Variants in SND1 observed in about 807,000 individuals in gnomAD.
The protein encoded by SND1 is staphylococcal nuclease domain-containing protein 1.
SND1 carries 38 observed loss-of-function variants against 121.7 expected under a neutral mutation model. The ratio of observed to expected loss-of-function variants is 0.31; its 90% CI spans 0.24 to 0.41. The LOEUF is 0.41. Among genes scored for constraint, SND1 ranks in the 10% least tolerant of loss-of-function variants. The pLI is 1.00. For missense variants in SND1, 868 were observed against 1,184.6 expected, an observed-to-expected ratio of 0.73 and a Z score of 3.92; for synonymous variants, 401 against 447.4, an observed-to-expected ratio of 0.90 and a Z score of 1.31.
intron 2 of SND1, among the ~76,000 whole-genome samples, chr7:127,691,064 A>G (rs1795904747): frequency 6.6e-6 from 1 of 152,210 alleles, no homozygotes; most frequent in Non-Finnish European, 1.5e-5. Context: ...GCACTGTGGG[A>G]ATTATATATT....
intron 3 of SND1, among the ~76,000 whole-genome samples, chr7:127,696,854 C>G (rs1206259398): frequency 6.6e-6 from 1 of 152,140 alleles, no homozygotes; most frequent in Non-Finnish European, 1.5e-5. Context: ...TAAGAACTGG[C>G]ACATAGGTGA....
chr7:127,774,398 A>G (rs1188175429), intron 10 of SND1, among the ~76,000 whole-genome samples: 2 of 152,204 alleles, frequency 1.3e-5, no homozygotes, highest in African/African-American at 4.8e-5. Context: ...AAAAACCAAT[A>G]TAGTGTAGCT....
intron 16 of SND1, among the ~76,000 whole-genome samples, chr7:128,038,985 T>C (rs1376532650): frequency 3.9e-5 from 6 of 152,166 alleles, no homozygotes; most frequent in Admixed American, 1.3e-4. Flanking sequence ...CCATACTGCT[T>C]CCCATGGCCC....
intron 10 of SND1, among the ~76,000 whole-genome samples, chr7:127,793,641 G>A (rs917443762): frequency 4.6e-5 from 7 of 152,118 alleles, no homozygotes; most frequent in African/African-American, 7.2e-5. Flanking sequence ...ATGGCTGGAA[G>A]GACAAGGGTA....
intron 14 of SND1, among the ~76,000 whole-genome samples, chr7:127,920,371 A>G (rs1002197971): frequency 1.3e-5 from 2 of 152,182 alleles, no homozygotes; most frequent in Non-Finnish European, 2.9e-5. Flanking sequence ...AGTCTTGGTC[A>G]AGGGGAATCC....
intron 10 of SND1, among the ~76,000 whole-genome samples, chr7:127,804,378 A>G (rs1349453651): frequency 6.6e-6 from 1 of 152,026 alleles, no homozygotes; most frequent in African/African-American, 2.4e-5. Context: ...CTTGTTTTTT[A>G]TTGGGATGTT....
intron 16 of SND1, among the ~76,000 whole-genome samples, chr7:128,009,067 A>G (rs1273075318): frequency 6.6e-6 from 1 of 152,210 alleles, no homozygotes; most frequent in Non-Finnish European, 1.5e-5. Context: ...CAGCTTTGAT[A>G]CAGGGCATAA....
intron 12 of SND1, among the ~76,000 whole-genome samples, chr7:127,883,710 A>G (rs925351553): frequency 5.3e-5 from 8 of 152,174 alleles, no homozygotes; most frequent in Non-Finnish European, 1.0e-4. Context: ...CTTCAAGAAA[A>G]CGATCTAGTT....
At chr7:128,064,381 G>A (rs1793279189) in intron 16 of SND1, among the ~76,000 whole-genome samples, 2 of 152,190 alleles carry the variant, frequency 1.3e-5, no homozygotes, top group African/African-American at 4.8e-5. Flanking sequence ...AGAGACAGCA[G>A]TGGGGGACCT....
At chr7:127,677,955 T>C (rs1161030006) in intron 1 of SND1, among the ~76,000 whole-genome samples, 7 of 152,232 alleles carry the variant, frequency 4.6e-5, no homozygotes, top group Admixed American at 4.6e-4. Context: ...TAAGTCAGCT[T>C]GCCTTGCAGA....
At chr7:127,749,353 C>A (rs1019640877) in intron 10 of SND1, among the ~76,000 whole-genome samples, 1 of 152,156 alleles carries the variant, frequency 6.6e-6, no homozygotes, top group African/African-American at 2.4e-5. Context: ...TAACTTGGAT[C>A]CCAAATGAAA....
At chr7:127,822,367 A>G (rs1798563334) in intron 11 of SND1, among the ~76,000 whole-genome samples, 2 of 152,196 alleles carry the variant, frequency 1.3e-5, no homozygotes, top group South Asian at 4.1e-4. Flanking sequence ...TTTGATCTGT[A>G]CAACTTAGAG....
intron 10 of SND1, among the ~76,000 whole-genome samples, chr7:127,721,846 T>C (rs1056821676): frequency 6.6e-6 from 1 of 152,242 alleles, no homozygotes; most frequent in Non-Finnish European, 1.5e-5. Context: ...GTATATGTAT[T>C]CACTGGGGTC....
In SND1 at chr7:128,029,937, G is replaced by C. The variant is rs1281989544; in HGVS notation, c.1779+38881G>C. ...GGAGCTCAGGCCATGGAAGGAGCCAGGCCTGATCTCAGGGAAGTGGTTCCC... is the reference window on the plus strand; with the variant it reads ...GGAGCTCAGGCCATGGAAGGAGCCACGCCTGATCTCAGGGAAGTGGTTCCC... On this transcript the variant is annotated intron_variant, in intron 16 of 23. Coordinates refer to ENST00000354725, the MANE Select transcript of SND1 (RefSeq NM_014390.4). The surrounding 1 kb of genome is among the most constrained non-coding windows in gnomAD (Gnocchi z 4.2). 1 of 1,613,072 alleles carries C rather than the reference G, an allele frequency of 6.2e-7. No individual in the cohort carries two copies. Among genetic ancestry groups the C allele is most frequent in the East Asian group, 2.2e-5 (1 of 44,892 alleles).
chr7:127,681,851 C>G (rs1795733117), intron 1 of SND1, among the ~76,000 whole-genome samples: 1 of 152,096 alleles, frequency 6.6e-6, no homozygotes, highest in African/African-American at 2.4e-5. Context: ...AGATGTCTGC[C>G]CTTGTTCTTT....
intron 10 of SND1, among the ~76,000 whole-genome samples, chr7:127,745,157 C>T (rs114119572): frequency 2.4e-4 from 36 of 152,208 alleles, no homozygotes; most frequent in Middle Eastern, 3.4e-3. Flanking sequence ...GTGATTTTGA[C>T]GCACAAGTGT....
At chr7:128,001,571 T>G (rs1802827168) in intron 16 of SND1, among the ~76,000 whole-genome samples, 1 of 152,240 alleles carries the variant, frequency 6.6e-6, no homozygotes, top group Non-Finnish European at 1.5e-5. Flanking sequence ...GTGTAAACTG[T>G]TCCTCACAAC....
At chr7:127,805,436 C>T (rs1798215932) in intron 10 of SND1, among the ~76,000 whole-genome samples, 1 of 152,126 alleles carries the variant, frequency 6.6e-6, no homozygotes, top group African/African-American at 2.4e-5. Flanking sequence ...TCATTATGCC[C>T]TCTGCCCCCA....
intron 14 of SND1, among the ~76,000 whole-genome samples, chr7:127,922,189 T>TTTTTTTTTTTTTTTTTTTTTTG (rs1800726194): frequency 1.0e-5 from 1 of 95,460 alleles, no homozygotes; most frequent in African/African-American, 3.8e-5. Flanking sequence ...TTTTTTTTTT[T>TTTTTTTTTTTTTTTTTTTTTTG]TTTTTTTTTT....
Sources: gnomAD v4.1 joint callset for allele counts (sites outside exome capture counted in the v4.1 genomes callset) on GRCh38, gnomAD v4.1.1 for gene constraint, Gnocchi (gnomAD v3.1) non-coding constraint, MANE v1.5 for transcripts, NCBI Gene and HGNC (gene_info 2026-07-23, HGNC 2026-07-21) for gene names.